SLC9B1: variants seen among roughly 807,000 people sequenced by gnomAD.
SLC9B1 encodes the protein solute carrier family 9 member B1.
In SLC9B1, 32 loss-of-function variants were observed where a neutral mutation model predicts 51.7. The ratio of observed to expected loss-of-function variants is 0.62; its 90% CI spans 0.47 to 0.83. The LOEUF (loss-of-function observed/expected upper bound fraction) is 0.83. Ranked by LOEUF, SLC9B1 falls within the 40% of genes least tolerant of loss-of-function variation. The probability of loss-of-function intolerance (pLI) is 0.00; values close to 1 mark genes in which losing one functional copy is unlikely to be tolerated. For missense variants in SLC9B1, 406 were observed against 613.2 expected, an observed-to-expected ratio of 0.66 and a Z score of 3.57; for synonymous variants, 145 against 212.7, an observed-to-expected ratio of 0.68 and a Z score of 2.77.
intron 6 of SLC9B1, among the ~76,000 whole-genome samples, chr4:102,942,680 GA>G (rs1251191739): frequency 3.3e-5 from 5 of 152,160 alleles, no homozygotes; most frequent in Admixed American, 3.3e-4. Flanking sequence ...ATCAACTCAA[GA>G]TGGATCAAAG....
rs1479683563 is a variant in SLC9B1 at position 102,930,265 on chromosome 4, G to C, written c.829+1859C>G. Among the ~76,000 whole-genome samples, 3 of 152,124 alleles carry C rather than the reference G, an allele frequency of 2.0e-5. No homozygotes were observed. The East Asian group carries it at 5.8e-4, about 29-fold the overall frequency. On this transcript the variant is annotated intron_variant, in intron 7 of 11. Coordinates refer to ENST00000296422, the MANE Select transcript of SLC9B1 (RefSeq NM_139173.4). Reference sequence around the variant, plus strand: ...AGGTGAGAGGAAATGACAAGTTTATGTACCCTGGTAGGACATGATATTGTG... The same window carrying C: ...AGGTGAGAGGAAATGACAAGTTTATCTACCCTGGTAGGACATGATATTGTG...
intron 7 of SLC9B1, among the ~76,000 whole-genome samples, chr4:102,919,914 TG>T (rs1735779352): frequency 6.6e-6 from 1 of 152,240 alleles, no homozygotes; most frequent in Non-Finnish European, 1.5e-5. Flanking sequence ...AAGCTTGAAC[TG>T]GGTGGAGCCC....
chr4:102,955,016 G>C (rs1034291419), intron 3 of SLC9B1, among the ~76,000 whole-genome samples: 1 of 152,206 alleles, frequency 6.6e-6, no homozygotes, highest in Non-Finnish European at 1.5e-5. Context: ...TGAAAAAAGT[G>C]TTAGGGTTTT....
intron 1 of SLC9B1, among the ~76,000 whole-genome samples, chr4:102,997,611 T>TG: frequency 6.6e-6 from 1 of 152,130 alleles, no homozygotes; most frequent in Non-Finnish European, 1.5e-5. Context: ...CAAATATAAG[T>TG]TTTATTTCTT....
At chr4:102,920,310 G>A (rs1735799282) in intron 7 of SLC9B1, among the ~76,000 whole-genome samples, 1 of 152,214 alleles carries the variant, frequency 6.6e-6, no homozygotes, top group East Asian at 1.9e-4. Flanking sequence ...ACTTGCAGCT[G>A]AGGGTCCTGA....
intron 1 of SLC9B1, among the ~76,000 whole-genome samples, chr4:103,002,062 T>C (rs1740551381): frequency 6.6e-6 from 1 of 152,124 alleles, no homozygotes; most frequent in South Asian, 2.1e-4. Flanking sequence ...TCACTGACTA[T>C]CTTGAGGACA....
intron 5 of SLC9B1, among the ~76,000 whole-genome samples, chr4:102,946,443 T>C (rs1251380431): frequency 2.1e-5 from 3 of 144,934 alleles, no homozygotes; most frequent in Non-Finnish European, 3.0e-5. Context: ...CCCGAGTAGC[T>C]GGGATTACTA....
At chr4:102,928,245 G>A (rs1190667373) in intron 7 of SLC9B1, among the ~76,000 whole-genome samples, 1 of 152,104 alleles carries the variant, frequency 6.6e-6, no homozygotes, top group Admixed American at 6.6e-5. Context: ...AAAAAAAGAA[G>A]TTTCTTCTAC....
chr4:102,902,649 A>G (rs1362351307), intron 11 of SLC9B1, among the ~76,000 whole-genome samples: 1 of 152,246 alleles, frequency 6.6e-6, no homozygotes, highest in African/African-American at 2.4e-5. Flanking sequence ...TCATTCTTAA[A>G]GCTTTCCATT....
intron 3 of SLC9B1, among the ~76,000 whole-genome samples, chr4:102,958,816 G>T (rs1351298157): frequency 1.3e-5 from 2 of 152,058 alleles, no homozygotes. Flanking sequence ...CCAGCTACTT[G>T]GGAGGCTGAG....
intron 7 of SLC9B1, among the ~76,000 whole-genome samples, chr4:102,916,372 C>A (rs1248777337): frequency 6.6e-6 from 1 of 151,968 alleles, no homozygotes; most frequent in Non-Finnish European, 1.5e-5. Context: ...GGCCAATTGA[C>A]CAAGAAGATA....
intron 3 of SLC9B1, among the ~76,000 whole-genome samples, chr4:102,986,445 T>C (rs1020483136): frequency 6.6e-6 from 1 of 152,158 alleles, no homozygotes; most frequent in Non-Finnish European, 1.5e-5. Context: ...TATGGCTAGG[T>C]GTAGTCTGTT....
At chr4:102,976,672 G>C (rs1739085465) in intron 3 of SLC9B1, among the ~76,000 whole-genome samples, 1 of 152,186 alleles carries the variant, frequency 6.6e-6, no homozygotes, top group Non-Finnish European at 1.5e-5. Context: ...TAAGGACATG[G>C]TAAGTTAAGG....
intron 1 of SLC9B1, among the ~76,000 whole-genome samples, chr4:102,996,711 A>T (rs1163982513): frequency 6.6e-6 from 1 of 152,144 alleles, no homozygotes; most frequent in Non-Finnish European, 1.5e-5. Flanking sequence ...GTAATCACAC[A>T]TATATGAATT....
chr4:102,939,260 C>T (rs1736871828), intron 6 of SLC9B1, among the ~76,000 whole-genome samples: 1 of 151,682 alleles, frequency 6.6e-6, no homozygotes, highest in Non-Finnish European at 1.5e-5. Context: ...TGAACATCTT[C>T]ATGCAAACAA....
chr4:102,989,556 A>T (rs908481375), intron 3 of SLC9B1, among the ~76,000 whole-genome samples: 22 of 151,972 alleles, frequency 1.4e-4, no homozygotes, highest in Non-Finnish European at 2.8e-4. Context: ...CTAATCCCAA[A>T]AATTTAACAT....
At chr4:102,964,146 G>A (rs190747144) in intron 3 of SLC9B1, among the ~76,000 whole-genome samples, 1 of 151,586 alleles carries the variant, frequency 6.6e-6, no homozygotes, top group Non-Finnish European at 1.5e-5. Flanking sequence ...CCCTTAAAAG[G>A]ATGTTAAGAA....
chr4:102,892,204 A>C (rs2110410826), intron 11 of SLC9B1: 1 of 152,310 alleles, frequency 6.6e-6, no homozygotes, highest in East Asian at 1.9e-4. Context: ...GACTACAGTC[A>C]TGCTTCATCA....
intron 3 of SLC9B1, among the ~76,000 whole-genome samples, chr4:102,961,799 G>A (rs1738146767): frequency 6.6e-6 from 1 of 152,188 alleles, no homozygotes; most frequent in Admixed American, 6.5e-5. Flanking sequence ...GTATACATGT[G>A]CCATGTGGTT....
Sources: allele counts gnomAD v4.1 joint callset (sites outside exome capture counted in the v4.1 genomes callset), GRCh38; gene constraint gnomAD v4.1.1; transcripts MANE v1.5; gene names NCBI Gene and HGNC (gene_info 2026-07-23, HGNC 2026-07-21).